Variants in CFAP251 observed in about 807,000 individuals in gnomAD.
CFAP251 encodes cilia- and flagella-associated protein 251.
Under a neutral mutation model 126.7 loss-of-function variants are expected in CFAP251, and 93 were observed. That is an observed-to-expected ratio of 0.73 (90% CI 0.62 to 0.87). CFAP251 has a LOEUF of 0.87. CFAP251 is among the 40% of genes least tolerant of loss of function. CFAP251 has a pLI of 0.00. For missense variants in CFAP251, 1,287 were observed against 1,389.2 expected (o/e 0.93, Z 1.17); for synonymous variants, 503 against 506.9 (o/e 0.99, Z 0.10).
chr12:121,971,517 A>G (rs1289635612), intron 17 of CFAP251: 2 of 702,404 alleles, frequency 2.8e-6, no homozygotes, highest in South Asian at 1.5e-5. Context: ...CGGGGCCTGC[A>G]CTGAGTGAGT....
chr12:121,928,638 G>GTATA (rs57700530), intron 3 of CFAP251, among the ~76,000 whole-genome samples: 42 of 33,356 alleles, frequency 1.3e-3, no homozygotes, highest in Admixed American at 2.1e-3. Context: ...ATATATATAC[G>GTATA]TATATATATA....
In CFAP251 at chr12:121,951,524, T is replaced by C. The variant is rs1288998198; in HGVS notation, c.1314T>C (p.Thr438=). 1.3e-6 allele frequency: 2 copies of C among 1,582,976 alleles called. No homozygotes were observed. Among genetic ancestry groups the C allele is most frequent in the Non-Finnish European group, 1.7e-6 (2 of 1,156,122 alleles). The stretch of plus-strand genomic sequence containing the variant: ...TGGCTCACAGTGCCCCACTTTTAAC[T>C]GAAAAAGTGAGTATGCCTATTGCAT... ...DTLAHSAPLL[T]EKTFNKLVGK... Residue 438 remains threonine (T), a synonymous_variant, in exon 9 of 22, where the codon ACT becomes ACC. Transcript: ENST00000288912.
At chr12:121,969,653 C>CT in intron 17 of CFAP251, 1 of 835,862 alleles carries the variant, frequency 1.2e-6, no homozygotes, top group Non-Finnish European at 1.4e-6. Flanking sequence ...GCCTGGCTAA[C>CT]TTTAAAAAAA....
Position 122,001,443 on chromosome 12 carries a change from A to G in CFAP251, c.3236-54A>G, listed in dbSNP as rs1241748871. On this transcript the variant is annotated intron_variant, in intron 20 of 21. Transcript: ENST00000288912. ...CTGAATAATAACGCTAAGCCCTGAC[A>G]GTATGCTTAGCCTCAAGAGTTAAAC... 12 of 1,363,948 alleles carry G rather than the reference A, an allele frequency of 8.8e-6. No homozygotes were observed. The East Asian group carries it at 9.1e-5, about 10-fold the overall frequency. The allele number at this position is 1,363,948 out of a possible 1,614,324, so 84.5% of individuals were successfully genotyped here.
chr12:121,935,239 G>A (rs1880845808), intron 5 of CFAP251, among the ~76,000 whole-genome samples: 1 of 152,208 alleles, frequency 6.6e-6, no homozygotes, highest in East Asian at 1.9e-4. Context: ...TTACAGGCAT[G>A]AGCCACCGCA....
intron 10 of CFAP251, among the ~76,000 whole-genome samples, chr12:121,955,127 C>T (rs2135779072): frequency 6.6e-6 from 1 of 152,180 alleles, no homozygotes; most frequent in South Asian, 2.1e-4. Flanking sequence ...AACCCTGTCT[C>T]TACTAAAAAT....
intron 19 of CFAP251, chr12:121,997,565 C>T (rs1217238117): frequency 6.7e-6 from 1 of 148,838 alleles, no homozygotes; most frequent in Non-Finnish European, 1.5e-5. Context: ...TTTCCATTTA[C>T]TTATGTTTTC....
chr12:121,929,970 G>C (rs1422354840), intron 3 of CFAP251, among the ~76,000 whole-genome samples: 2 of 148,956 alleles, frequency 1.3e-5, no homozygotes, highest in Admixed American at 1.3e-4. Context: ...GAGCCACTGT[G>C]CCGGGCCACA....
intron 1 of CFAP251, 119 bp from the exon 2 acceptor site, chr12:121,921,167 T>A (rs1473457861): frequency 2.6e-6 from 3 of 1,162,652 alleles, no homozygotes; most frequent in Non-Finnish European, 3.5e-6. Context: ...GACATTCTTT[T>A]TATTCCTATG....
At chr12:121,924,906 G>A (rs538713498) in intron 3 of CFAP251, among the ~76,000 whole-genome samples, 5 of 151,908 alleles carry the variant, frequency 3.3e-5, no homozygotes, top group Non-Finnish European at 7.4e-5. Flanking sequence ...ACTCCATTCC[G>A]CCCCTTTCCC....
intron 19 of CFAP251, chr12:121,997,751 G>GTTTTTTTTTTTTTTTTTTTTT (rs199652481): frequency 6.8e-6 from 1 of 146,564 alleles, no homozygotes; most frequent in East Asian, 2.0e-4. Flanking sequence ...AAATACAATA[G>GTTTTTTTTTTTTTTTTTTTTT]TTTGTTTTTT....
rs149527825 is a variant in CFAP251 at position 121,935,450 on chromosome 12, C to T, written c.998+1094C>T. 6.1e-4 allele frequency among the ~76,000 whole-genome samples: 93 copies of T among 152,348 alleles called. 1 individual carries two copies. The East Asian group carries it at 0.016, about 26-fold the overall frequency. ...ATATTGACACATTATTATTAACAGA[C>T]ATCCAGGATCCCACCCAGGAGACCA... On this transcript the variant is annotated intron_variant, in intron 5 of 21. Transcript: ENST00000288912.
At chr12:121,967,687 G>A (rs574938712) in intron 16 of CFAP251, among the ~76,000 whole-genome samples, 1 of 152,310 alleles carries the variant, frequency 6.6e-6, no homozygotes, top group Non-Finnish European at 1.5e-5. Context: ...GGACGACAGA[G>A]TGAGACTCCG....
intron 19 of CFAP251, among the ~76,000 whole-genome samples, chr12:121,995,000 T>G (rs1398398719): frequency 6.6e-6 from 1 of 152,240 alleles, no homozygotes; most frequent in African/African-American, 2.4e-5. Flanking sequence ...GAATAATTAC[T>G]GTCTGTTGAA....
At chr12:121,958,606 G>A in intron 12 of CFAP251, 84 bp downstream of exon 12, 1 of 1,577,206 alleles carries the variant, frequency 6.3e-7, no homozygotes, top group Non-Finnish European at 8.6e-7. Context: ...CATAGCTCCA[G>A]GAAGTCTCCC....
chr12:121,969,594 T>C, intron 17 of CFAP251: 1 of 805,252 alleles, frequency 1.2e-6, no homozygotes, highest in Non-Finnish European at 1.5e-6. Context: ...CAAACAATTC[T>C]CCTGCCTCAG....
At chr12:121,971,777 C>G in intron 17 of CFAP251, 1 of 589,676 alleles carries the variant, frequency 1.7e-6, no homozygotes, top group South Asian at 1.9e-5. Context: ...GCTCTGTGTT[C>G]CTACCCAAAT....
At chr12:121,941,594 A>G (rs2135762726) in intron 5 of CFAP251, among the ~76,000 whole-genome samples, 1 of 152,192 alleles carries the variant, frequency 6.6e-6, no homozygotes, top group Admixed American at 6.6e-5. Context: ...TCAGCCTCCC[A>G]AAGTGCTGGG....
chr12:121,975,249 T>C lies in CFAP251; in HGVS notation c.2777T>C (p.Leu926Pro). 1.2e-6 allele frequency: 2 copies of C among 1,613,978 alleles called. No individual in the cohort carries two copies. The highest frequency in any genetic ancestry group is 1.7e-6 in the Non-Finnish European group (2 of 1,179,996). ...CATTTCTGTTGTTGTTCCAGTGTCCTGGAGGCAGCGGTTTCTCTTGGGGGT... is the reference window on the plus strand; with the variant it reads ...CATTTCTGTTGTTGTTCCAGTGTCCCGGAGGCAGCGGTTTCTCTTGGGGGT... The part of the protein sequence containing the change: ...VVQWKITLSV[L>P]EAAVSLGGED... Residue 926 changes from leucine (L) to proline (P), a missense_variant, in exon 18 of 22, where the codon CTG becomes CCG. Coordinates refer to ENST00000288912, the MANE Select transcript of CFAP251 (RefSeq NM_144668.6).
Sources: gnomAD v4.1 joint callset for allele counts (sites outside exome capture counted in the v4.1 genomes callset) on GRCh38, gnomAD v4.1.1 for gene constraint, MANE v1.5 for transcripts, NCBI Gene and HGNC (gene_info 2026-07-23, HGNC 2026-07-21) for gene names.